SNTG1: variants seen among roughly 807,000 people sequenced by gnomAD.
SNTG1 encodes syntrophin gamma 1.
A neutral mutation model predicts 74.7 loss-of-function variants in SNTG1; 39 were observed. The observed-to-expected ratio is 0.52, with a 90% confidence interval of 0.40 to 0.68. The LOEUF (loss-of-function observed/expected upper bound fraction) is 0.68. Ranked by LOEUF, SNTG1 falls within the 30% of genes least tolerant of loss-of-function variation. SNTG1 has a pLI of 0.00. For synonymous variants in SNTG1, 254 were observed against 217.1 expected, an observed-to-expected ratio of 1.17 and a Z score of -1.49; for missense variants, 685 against 609.5, an observed-to-expected ratio of 1.12 and a Z score of -1.30.
intron 1 of SNTG1, among the ~76,000 whole-genome samples, chr8:50,007,854 C>T (rs1309967522): frequency 1.3e-5 from 2 of 152,070 alleles, no homozygotes; most frequent in Admixed American, 6.6e-5. Flanking sequence ...TTCCTCATGG[C>T]TAGAGAGACC....
At chr8:50,390,393 A>G (rs543218509) in intron 2 of SNTG1, among the ~76,000 whole-genome samples, 13 of 152,228 alleles carry the variant, frequency 8.5e-5, no homozygotes, top group East Asian at 7.7e-4. Flanking sequence ...GTGTGGTATT[A>G]TTTCTGAGGG....
In SNTG1 at chr8:50,413,151, C is replaced by G. The variant is rs145632293; in HGVS notation, c.162+10807C>G. Among the ~76,000 whole-genome samples, 348 of 152,230 alleles carry G rather than the reference C, an allele frequency of 2.3e-3. 2 individuals are homozygous for G. The highest frequency in any genetic ancestry group is 8.0e-3 in the African/African-American group (332 of 41,528). Reference sequence around the variant, plus strand: ...ACAAAAAGATATGTCATTATTTACACAAATGAATTTTTATAACATTAAATG... The same window carrying G: ...ACAAAAAGATATGTCATTATTTACAGAAATGAATTTTTATAACATTAAATG... On this transcript the variant is annotated intron_variant, in intron 4 of 18. Transcript: ENST00000642720.
intron 1 of SNTG1, among the ~76,000 whole-genome samples, chr8:49,938,683 C>T (rs1808405159): frequency 6.9e-6 from 1 of 145,426 alleles, no homozygotes; most frequent in African/African-American, 2.5e-5. Context: ...TTCCTTCCCT[C>T]CTTCTTTCTT....
At chr8:50,603,520 A>C (rs1563635978) in intron 13 of SNTG1, among the ~76,000 whole-genome samples, 1 of 151,970 alleles carries the variant, frequency 6.6e-6, no homozygotes, top group Non-Finnish European at 1.5e-5. Context: ...TTAGTGTCTT[A>C]TTTATTTTTT....
rs529689897 is a variant in SNTG1, at chr8:50,111,167, C to G, written c.-102-61394C>G. ...GTGTATTTTTGTTGTCATCGCCTTA[C>G]TCTCCTAGCTCCCTCACACTTGCTT... On this transcript the variant is annotated intron_variant, in intron 1 of 18. Transcript: ENST00000642720. Among the ~76,000 whole-genome samples the G allele has an allele frequency of 1.9e-4, 29 of 152,224 alleles. No individual in the cohort carries two copies. The South Asian group carries it at 5.8e-3, about 30-fold the overall frequency.
At chr8:50,470,452 G>C (rs991031349) in intron 8 of SNTG1, among the ~76,000 whole-genome samples, 4 of 152,098 alleles carry the variant, frequency 2.6e-5, no homozygotes, top group African/African-American at 9.7e-5. Context: ...GATGTGTCTG[G>C]AGTTTCTTCC....
intron 15 of SNTG1, among the ~76,000 whole-genome samples, chr8:50,686,121 A>G: frequency 6.6e-6 from 1 of 152,170 alleles, no homozygotes; most frequent in South Asian, 2.1e-4. Flanking sequence ...AATATGTTCA[A>G]GTCACTTTTT....
chr8:50,172,490 C>T (rs922568159), intron 1 of SNTG1, 71 bp from the exon 2 acceptor site: 3 of 152,062 alleles, frequency 2.0e-5, no homozygotes, highest in Non-Finnish European at 2.9e-5. Context: ...AGATACATTT[C>T]GGTGTGTAGA....
chr8:50,534,967 A>G (rs1430422237), intron 10 of SNTG1, among the ~76,000 whole-genome samples: 1 of 152,028 alleles, frequency 6.6e-6, no homozygotes, highest in East Asian at 1.9e-4. Flanking sequence ...TTTAGAAATA[A>G]TTTTGCCCCT....
chr8:50,095,739 A>G (rs548943296), intron 1 of SNTG1, among the ~76,000 whole-genome samples: 1 of 152,246 alleles, frequency 6.6e-6, no homozygotes, highest in East Asian at 1.9e-4. Context: ...GTGCCTTTAA[A>G]TACAGGTAAA....
At chr8:50,180,814 G>A (rs1254693346) in intron 2 of SNTG1, among the ~76,000 whole-genome samples, 1 of 135,656 alleles carries the variant, frequency 7.4e-6, no homozygotes, top group Non-Finnish European at 1.5e-5. Flanking sequence ...AAGCTGGAGT[G>A]CAATGGCACA....
intron 2 of SNTG1, among the ~76,000 whole-genome samples, chr8:50,269,141 A>T (rs1178648360): frequency 1.3e-5 from 2 of 152,222 alleles, no homozygotes; most frequent in Non-Finnish European, 2.9e-5. Context: ...TATTCAACTT[A>T]AAGAAAATAT....
In SNTG1 at chr8:50,647,925, T is replaced by G. The variant is rs949450707; in HGVS notation, c.850-8984T>G. ...TTTAGAAATTAAGAGATACACTGTT[T>G]CTTTAGAATTATTATTTTCTGTGAT... On this transcript the variant is annotated intron_variant, in intron 13 of 18. Transcript: ENST00000642720. Among the ~76,000 whole-genome samples the G allele has an allele frequency of 3.9e-5, 6 of 152,262 alleles. No homozygotes were observed. The East Asian group carries it at 1.2e-3, about 29-fold the overall frequency.
intron 18 of SNTG1, among the ~76,000 whole-genome samples, chr8:50,777,382 C>T (rs2095643979): frequency 6.7e-6 from 1 of 150,340 alleles, no homozygotes; most frequent in Non-Finnish European, 1.5e-5. Flanking sequence ...CTTCTGTTCT[C>T]TTCTTTCTGC....
chr8:50,097,329 G>C (rs2079964476), intron 1 of SNTG1, among the ~76,000 whole-genome samples: 1 of 152,018 alleles, frequency 6.6e-6, no homozygotes. Context: ...TGAAGAATTT[G>C]TTTTTGCTAG....
chr8:49,915,958 G>A (rs1028607438), intron 1 of SNTG1, among the ~76,000 whole-genome samples: 1 of 152,016 alleles, frequency 6.6e-6, no homozygotes, highest in African/African-American at 2.4e-5. Flanking sequence ...TTTCTTAGTC[G>A]GGTTTTAAAC....
At chr8:50,176,106 C>T (rs1442650110) in intron 2 of SNTG1, among the ~76,000 whole-genome samples, 5 of 152,098 alleles carry the variant, frequency 3.3e-5, no homozygotes, top group Non-Finnish European at 7.3e-5. Context: ...AAACACTTAA[C>T]ATTTTAATAC....
chr8:50,526,918 G>A (rs967985302), intron 9 of SNTG1, among the ~76,000 whole-genome samples: 5 of 152,018 alleles, frequency 3.3e-5, no homozygotes, highest in East Asian at 1.9e-4. Flanking sequence ...CACCGCGCCC[G>A]GCCCGAAGTC....
At chr8:50,303,440 C>G (rs973201344) in intron 2 of SNTG1, among the ~76,000 whole-genome samples, 2 of 151,698 alleles carry the variant, frequency 1.3e-5, no homozygotes, top group African/African-American at 4.8e-5. Flanking sequence ...TTCATAGATA[C>G]TTAATATACA....
Sources: gnomAD v4.1 joint callset for allele counts (sites outside exome capture counted in the v4.1 genomes callset) on GRCh38, gnomAD v4.1.1 for gene constraint, MANE v1.5 for transcripts, NCBI Gene and HGNC (gene_info 2026-07-23, HGNC 2026-07-21) for gene names.